Variants in GRIK2 observed in about 807,000 individuals in gnomAD.
GRIK2 encodes the protein glutamate receptor ionotropic, kainate 2.
GRIK2 carries 32 observed loss-of-function variants against 100.3 expected under a neutral mutation model. The ratio of observed to expected loss-of-function variants is 0.32; its 90% CI spans 0.24 to 0.43. The LOEUF (loss-of-function observed/expected upper bound fraction) is 0.43. Ranked by LOEUF, GRIK2 falls within the 20% of genes least tolerant of loss-of-function variation. The pLI, the probability that GRIK2 is intolerant of heterozygous loss-of-function variation, is 1.00. For missense variants in GRIK2, 843 were observed against 1,114.9 expected (o/e 0.76, Z 3.47); for synonymous variants, 417 against 389.4 (o/e 1.07, Z -0.83).
chr6:101,910,839 C>CCACA (rs142489212), intron 12 of GRIK2, among the ~76,000 whole-genome samples: 35,191 of 143,236 alleles, frequency 0.25, 5,337 homozygotes, highest in East Asian at 0.53. Context: ...CCAACATACA[C>CCACA]CACACACACA....
At chr6:101,528,974 C>G (rs1775287426) in intron 2 of GRIK2, among the ~76,000 whole-genome samples, 1 of 148,824 alleles carries the variant, frequency 6.7e-6, no homozygotes, top group Non-Finnish European at 1.5e-5. Context: ...TATGGCTTAG[C>G]CTATGAATAT....
intron 14 of GRIK2, among the ~76,000 whole-genome samples, chr6:102,027,202 T>A (rs1358374631): frequency 6.6e-6 from 1 of 151,290 alleles, no homozygotes; most frequent in African/African-American, 2.4e-5. Context: ...ATGTAAAATT[T>A]ATTGAAAAAG....
At chr6:101,663,911 G>T (rs989339970) in intron 4 of GRIK2, among the ~76,000 whole-genome samples, 1 of 152,126 alleles carries the variant, frequency 6.6e-6, no homozygotes, top group African/African-American at 2.4e-5. Context: ...AATCACACCA[G>T]TCTGGGACAG....
At chr6:101,773,955 A>G (rs1778572425) in intron 7 of GRIK2, among the ~76,000 whole-genome samples, 1 of 152,184 alleles carries the variant, frequency 6.6e-6, no homozygotes, top group Non-Finnish European at 1.5e-5. Context: ...AAACACAATA[A>G]GAACATAAAA....
intron 10 of GRIK2, among the ~76,000 whole-genome samples, chr6:101,825,667 A>G (rs1403111672): frequency 1.3e-5 from 2 of 152,056 alleles, no homozygotes; most frequent in Non-Finnish European, 2.9e-5. Flanking sequence ...TATAAAATTG[A>G]CAATTTTATA....
chr6:101,931,834 T>G (rs563243496), intron 14 of GRIK2, among the ~76,000 whole-genome samples: 139 of 152,236 alleles, frequency 9.1e-4, no homozygotes, highest in Admixed American at 2.2e-3. Context: ...ATTTAGATAG[T>G]AAAATGGATG....
At chr6:101,404,332 G>C (rs896566413) in intron 2 of GRIK2, among the ~76,000 whole-genome samples, 1 of 152,296 alleles carries the variant, frequency 6.6e-6, no homozygotes, top group East Asian at 1.9e-4. Context: ...GCCTTTTCAA[G>C]TTTTCTCACC....
At chr6:101,869,115 T>C (rs1162199148) in intron 11 of GRIK2, among the ~76,000 whole-genome samples, 1 of 151,920 alleles carries the variant, frequency 6.6e-6, no homozygotes, top group African/African-American at 2.4e-5. Flanking sequence ...TTCATTTAAT[T>C]GAAGCACGTA....
chr6:101,695,389 C>A (rs1337416), intron 7 of GRIK2, among the ~76,000 whole-genome samples: 1 of 151,992 alleles, frequency 6.6e-6, no homozygotes, highest in African/African-American at 2.4e-5. Context: ...AAAAGCCACA[C>A]CTTTTAATTC....
intron 4 of GRIK2, among the ~76,000 whole-genome samples, chr6:101,656,769 C>G (rs1002273206): frequency 6.6e-6 from 1 of 152,160 alleles, no homozygotes; most frequent in Non-Finnish European, 1.5e-5. Flanking sequence ...AAATGTCCAT[C>G]AGAAAGAGGA....
At position 102,051,251 on chromosome 6, in the gene GRIK2, C is replaced by CCTT. The variant is rs1771167477; in HGVS notation, c.2312-4078_2312-4077insTTC. On this transcript the variant is annotated intron_variant, in intron 15 of 16. Transcript: ENST00000369134. ...ACTATGACTGCCTGCTTCCCTCCCTCCCTTCCTTCCTTCCTTCCTTCCTTC... is the reference window on the plus strand; with the variant it reads ...ACTATGACTGCCTGCTTCCCTCCCTCCTTCCTTCCTTCCTTCCTTCCTTCCTTC... Among the ~76,000 whole-genome samples the CCTT allele has an allele frequency of 5.7e-5, 7 of 122,140 alleles. No individual in the cohort carries two copies. In the East Asian group the frequency reaches 8.4e-4, roughly 15 times the overall value. The allele number at this position is 122,140 out of a possible 152,430, so 80.1% of individuals were successfully genotyped here.
At chr6:101,899,357 AT>A (rs890436672) in intron 12 of GRIK2, among the ~76,000 whole-genome samples, 7 of 151,842 alleles carry the variant, frequency 4.6e-5, no homozygotes, top group African/African-American at 1.7e-4. Context: ...CATTTTTGAA[AT>A]TTTGTTTGGA....
At chr6:101,832,214 T>C (rs1782745791) in intron 10 of GRIK2, among the ~76,000 whole-genome samples, 1 of 152,128 alleles carries the variant, frequency 6.6e-6, no homozygotes, top group Non-Finnish European at 1.5e-5. Context: ...AATTAGCACT[T>C]AAATATATTT....
intron 7 of GRIK2, among the ~76,000 whole-genome samples, chr6:101,704,080 TG>T (rs915096188): frequency 2.0e-5 from 3 of 151,720 alleles, no homozygotes; most frequent in African/African-American, 4.8e-5. Flanking sequence ...GAACATTTTC[TG>T]GGTTTATGGC....
At chr6:101,880,132 A>G (rs748087341) in intron 11 of GRIK2, among the ~76,000 whole-genome samples, 27 of 152,052 alleles carry the variant, frequency 1.8e-4, no homozygotes, top group Non-Finnish European at 2.9e-4. Context: ...GCAGAACTCA[A>G]GGCTATTCTT....
chr6:101,579,671 C>T (rs923725632), intron 2 of GRIK2, among the ~76,000 whole-genome samples: 3 of 151,526 alleles, frequency 2.0e-5, no homozygotes, highest in Non-Finnish European at 2.9e-5. Flanking sequence ...GCCAACATGG[C>T]GAAACCCCAT....
chr6:101,572,783 A>C (rs1226494019), intron 2 of GRIK2, among the ~76,000 whole-genome samples: 1 of 138,168 alleles, frequency 7.2e-6, no homozygotes, highest in Non-Finnish European at 1.6e-5. Context: ...GAATCACTTT[A>C]AGGTGTTTTG....
At chr6:102,046,287 C>T (rs576957709) in intron 15 of GRIK2, among the ~76,000 whole-genome samples, 1 of 152,134 alleles carries the variant, frequency 6.6e-6, no homozygotes, top group South Asian at 2.1e-4. Context: ...AGCAAATTAA[C>T]AAGAAAATAC....
intron 7 of GRIK2, among the ~76,000 whole-genome samples, chr6:101,739,938 C>T (rs2128376857): frequency 6.6e-6 from 1 of 152,170 alleles, no homozygotes; most frequent in East Asian, 1.9e-4. Flanking sequence ...TCATCCCCCA[C>T]CCTCAAAGAG....
Sources: allele counts gnomAD v4.1 joint callset (sites outside exome capture counted in the v4.1 genomes callset), GRCh38; gene constraint gnomAD v4.1.1; transcripts MANE v1.5; gene names NCBI Gene and HGNC (gene_info 2026-07-23, HGNC 2026-07-21).